Variants in TRAPPC9 observed in about 807,000 individuals in gnomAD.
TRAPPC9 encodes trafficking protein particle complex subunit 9, also known as IKK2 binding protein.
In TRAPPC9, 83 loss-of-function variants were observed where a neutral mutation model predicts 124.0. The observed-to-expected ratio is 0.67, with a 90% CI of 0.56 to 0.80. The LOEUF is 0.80. Among genes scored for constraint, TRAPPC9 ranks in the 30% least tolerant of loss-of-function variants. TRAPPC9 has a pLI of 0.00. For synonymous variants in TRAPPC9, 638 were observed against 617.5 expected, an observed-to-expected ratio of 1.03 and a Z score of -0.49; for missense variants, 1,302 against 1,508.3, an observed-to-expected ratio of 0.86 and a Z score of 2.27.
At position 139,742,469 on chromosome 8, in the gene TRAPPC9, A is replaced by G. The variant is rs1019983222; in HGVS notation, c.3056-10267T>C. 6.6e-6 allele frequency among the ~76,000 whole-genome samples: 1 copy of G among 152,224 alleles called. No individual in the cohort carries two copies. The highest frequency in any genetic ancestry group is 1.5e-5 in the Non-Finnish European group (1 of 68,038). On this transcript the variant is annotated intron_variant, in intron 21 of 22. Coordinates refer to ENST00000438773, the MANE Select transcript of TRAPPC9 (RefSeq NM_001160372.4). The surrounding 1 kb of genome is among the most constrained non-coding windows in gnomAD (Gnocchi z 4.7). ...CACATTTTGGAGCCTGGGGCCAGAC[A>G]GCAGGCCAGGGCTGAAGCTGGAAGT...
intron 17 of TRAPPC9, among the ~76,000 whole-genome samples, chr8:140,065,526 G>C (rs1157448670): frequency 6.6e-6 from 1 of 152,164 alleles, no homozygotes; most frequent in African/African-American, 2.4e-5. Context: ...GTCTTGTTAG[G>C]GGCTAATGCA....
chr8:140,219,276 C>T (rs1462291983), intron 17 of TRAPPC9, among the ~76,000 whole-genome samples: 21 of 152,256 alleles, frequency 1.4e-4, no homozygotes, highest in Admixed American at 1.2e-3. Flanking sequence ...TTCCTCAGCG[C>T]TGCCGGAGCC....
At chr8:140,313,304 A>G (rs987885217) in intron 9 of TRAPPC9, among the ~76,000 whole-genome samples, 4 of 150,580 alleles carry the variant, frequency 2.7e-5, no homozygotes, top group African/African-American at 7.3e-5. Flanking sequence ...CCCCATACAC[A>G]CTCTCGGTAA....
intron 21 of TRAPPC9, among the ~76,000 whole-genome samples, chr8:139,757,494 G>A (rs1203842847): frequency 6.6e-6 from 1 of 151,528 alleles, no homozygotes; most frequent in Non-Finnish European, 1.5e-5. Context: ...TTGGGGATGA[G>A]GACAGCAGAT....
intron 10 of TRAPPC9, among the ~76,000 whole-genome samples, chr8:140,307,159 A>G (rs1048368098): frequency 6.6e-6 from 1 of 152,206 alleles, no homozygotes; most frequent in African/African-American, 2.4e-5. Flanking sequence ...GGTGTTACTA[A>G]AAGGCACCTG....
At chr8:140,075,496 G>A (rs1436111617) in intron 17 of TRAPPC9, among the ~76,000 whole-genome samples, 1 of 152,178 alleles carries the variant, frequency 6.6e-6, no homozygotes, top group Admixed American at 6.5e-5. Flanking sequence ...CATGTGGGAT[G>A]CAAAGGCACT....
chr8:139,771,897 GCTTGCCGAGAGAGGGAA>G (rs1374285459), intron 21 of TRAPPC9, among the ~76,000 whole-genome samples: 1 of 152,208 alleles, frequency 6.6e-6, no homozygotes, highest in Non-Finnish European at 1.5e-5. Context: ...AGCCCTCCTG[GCTTGCCGAGAGAGGGAA>G]CAGGGAGAAG....
At chr8:139,809,531 C>T (rs1056615367) in intron 21 of TRAPPC9, among the ~76,000 whole-genome samples, 9 of 152,202 alleles carry the variant, frequency 5.9e-5, no homozygotes, top group East Asian at 1.9e-4. Context: ...CAATCGCCTC[C>T]GACTTCAGTC....
At chr8:140,423,822 T>C (rs763427989) in intron 5 of TRAPPC9, among the ~76,000 whole-genome samples, 3 of 152,234 alleles carry the variant, frequency 2.0e-5, no homozygotes, top group Admixed American at 6.5e-5. Context: ...ACACGTGCTA[T>C]ACGCATGAAG....
intron 17 of TRAPPC9, among the ~76,000 whole-genome samples, chr8:140,033,658 G>GTTTTTTGTT (rs1563706552): frequency 9.4e-5 from 4 of 42,364 alleles, no homozygotes; most frequent in Non-Finnish European, 1.7e-4. Flanking sequence ...TCATAATGTG[G>GTTTTTTGTT]TTTTTTTTTT....
At chr8:140,387,074 C>G (rs2068774437) in intron 7 of TRAPPC9, among the ~76,000 whole-genome samples, 1 of 152,072 alleles carries the variant, frequency 6.6e-6, no homozygotes, top group South Asian at 2.1e-4. Context: ...GGAAAGGATT[C>G]CCTATTTAAC....
intron 7 of TRAPPC9, among the ~76,000 whole-genome samples, chr8:140,383,054 G>A (rs547741728): frequency 7.1e-4 from 108 of 152,362 alleles, no homozygotes; most frequent in Non-Finnish European, 1.1e-3. Flanking sequence ...GGCAAACAGG[G>A]TCTAGAGTGG....
intron 17 of TRAPPC9, among the ~76,000 whole-genome samples, chr8:140,062,095 G>A (rs1400321314): frequency 6.6e-6 from 1 of 152,184 alleles, no homozygotes; most frequent in African/African-American, 2.4e-5. Flanking sequence ...GAGGAAAAAG[G>A]CAACACCTTC....
At chr8:140,110,236 C>A (rs1281776706) in intron 17 of TRAPPC9, among the ~76,000 whole-genome samples, 1 of 136,562 alleles carries the variant, frequency 7.3e-6, no homozygotes. Context: ...TACAGCAGCT[C>A]CCCCTGTAGC....
Position 140,298,918 on chromosome 8 carries a change from A to T in TRAPPC9, c.1768+1551T>A, listed in dbSNP as rs139989593. Among the ~76,000 whole-genome samples, 69 of 152,336 alleles carry T rather than the reference A, an allele frequency of 4.5e-4. No individual in the cohort carries two copies. In the East Asian group the frequency reaches 0.013, roughly 29 times the overall value. ...GGAGACAGCAGCTGCACACAGCCTGACAGAATTCTGGGCTTCAGGTGATAT... is the reference window on the plus strand; with the variant it reads ...GGAGACAGCAGCTGCACACAGCCTGTCAGAATTCTGGGCTTCAGGTGATAT... On this transcript the variant is annotated intron_variant, in intron 11 of 22. Coordinates refer to ENST00000438773, the MANE Select transcript of TRAPPC9 (RefSeq NM_001160372.4).
chr8:139,948,018 T>C (rs925275595), intron 19 of TRAPPC9, among the ~76,000 whole-genome samples: 11 of 150,508 alleles, frequency 7.3e-5, no homozygotes, highest in Admixed American at 1.3e-4. Flanking sequence ...CCACGTTCTG[T>C]CCACTGGCAC....
intron 19 of TRAPPC9, chr8:139,916,770 C>T (rs1035041811): frequency 2.6e-5 from 4 of 152,218 alleles, no homozygotes. Flanking sequence ...CTTTGAACAG[C>T]GGATAGCCTC....
intron 6 of TRAPPC9, among the ~76,000 whole-genome samples, chr8:140,404,838 G>A (rs573659444): frequency 9.2e-5 from 14 of 152,150 alleles, no homozygotes; most frequent in East Asian, 3.9e-4. Flanking sequence ...GTGAGCATGC[G>A]TGTGTACGTG....
chr8:139,885,672 G>T (rs984461853), intron 21 of TRAPPC9, among the ~76,000 whole-genome samples: 30 of 152,232 alleles, frequency 2.0e-4, no homozygotes, highest in African/African-American at 6.5e-4. Flanking sequence ...GTGCTGAGCT[G>T]CCCGCCTAGG....
Sources: gnomAD v4.1 joint callset for allele counts (sites outside exome capture counted in the v4.1 genomes callset) on GRCh38, gnomAD v4.1.1 for gene constraint, Gnocchi (gnomAD v3.1) non-coding constraint, MANE v1.5 for transcripts, NCBI Gene and HGNC (gene_info 2026-07-23, HGNC 2026-07-21) for gene names.